Variants in TECPR1 observed in about 807,000 individuals in gnomAD.
TECPR1 encodes tectonin beta-propeller repeat-containing protein 1.
In TECPR1, 122 loss-of-function variants were observed where a neutral mutation model predicts 162.4. The observed-to-expected ratio is 0.75, with a 90% CI of 0.65 to 0.87. TECPR1 has a LOEUF of 0.87. TECPR1 is among the 40% of genes least tolerant of loss of function. The pLI is 0.00. For missense variants in TECPR1, 1,432 were observed against 1,618.2 expected (o/e 0.88, Z 1.97); for synonymous variants, 642 against 670.6 (o/e 0.96, Z 0.66).
rs769876490 is a variant in TECPR1 at position 98,224,995 on chromosome 7, C to T, written c.2610+11G>A. On this transcript the variant is annotated intron_variant, in intron 18 of 25. Coordinates refer to ENST00000447648, the MANE Select transcript of TECPR1 (RefSeq NM_015395.3). Reference sequence around the variant, plus strand: ...GGATTCCCAACCCCCCAGGGGGCAGCGGGACCTCACCCAGGCCCACTGCAG... The same window carrying T: ...GGATTCCCAACCCCCCAGGGGGCAGTGGGACCTCACCCAGGCCCACTGCAG... The T allele has an allele frequency of 1.9e-5, 30 of 1,543,392 alleles. No homozygotes were observed. The highest frequency in any genetic ancestry group is 1.7e-4 in the Middle Eastern group (1 of 5,892).
intron 3 of TECPR1, 167 bp from the exon 4 acceptor site, chr7:98,245,234 C>T: frequency 1.4e-6 from 1 of 691,544 alleles, no homozygotes; most frequent in Non-Finnish European, 2.4e-6. Flanking sequence ...CAACTGGGGA[C>T]CCCCATGCCA....
chr7:98,245,183 T>C, intron 3 of TECPR1, 116 bp from the exon 4 acceptor site: 9 of 1,168,034 alleles, frequency 7.7e-6, no homozygotes, highest in Non-Finnish European at 1.1e-5. Context: ...CTCATTGATC[T>C]CCAGAATAGG....
At chr7:98,235,926 G>A (rs1290894901) in intron 10 of TECPR1, among the ~76,000 whole-genome samples, 1 of 151,560 alleles carries the variant, frequency 6.6e-6, no homozygotes, top group Admixed American at 6.6e-5. Context: ...CTGGGCCTCT[G>A]GGCTGACAGC....
chr7:98,220,852 G>A (rs1292658370), intron 23 of TECPR1, among the ~76,000 whole-genome samples: 1 of 151,566 alleles, frequency 6.6e-6, no homozygotes, highest in Non-Finnish European at 1.5e-5. Flanking sequence ...CACCGCGCTT[G>A]GCCTAATTTT....
In TECPR1 at chr7:98,228,954, C is replaced by T. The variant is rs1020819341; in HGVS notation, c.2410+85G>A. Reference sequence around the variant, plus strand: ...CCGAGTGTGAACACTGGGACAATGGCCCTGGCCTTGGGCAGGGAACCCAGA... The same window carrying T: ...CCGAGTGTGAACACTGGGACAATGGTCCTGGCCTTGGGCAGGGAACCCAGA... On this transcript the variant is annotated intron_variant, in intron 16 of 25. Transcript: ENST00000447648. 26 of 1,503,570 alleles carry T rather than the reference C, an allele frequency of 1.7e-5. No homozygotes were observed. The South Asian group carries it at 2.5e-4, about 14-fold the overall frequency. The allele number at this position is 1,503,570 out of a possible 1,614,324, so 93.1% of individuals were successfully genotyped here.
rs975830070 is a variant in TECPR1, at chr7:98,233,346, C to T, written c.1672+75G>A. The T allele has an allele frequency of 3.2e-5, 44 of 1,387,828 alleles. No homozygotes were observed. The African/African-American group carries it at 3.5e-4, about 11-fold the overall frequency. 86.0% of individuals were successfully genotyped at this position (1,387,828 alleles called of 1,614,324 possible). ...CAGGCCTGCCCGAGCCCCCTGACCC[C>T]GGCCTCCTCCCACACCCCACACCCC... On this transcript the variant is annotated intron_variant, in intron 11 of 25. Coordinates refer to ENST00000447648, the MANE Select transcript of TECPR1 (RefSeq NM_015395.3).
At position 98,216,191 on chromosome 7, in the gene TECPR1, TGGCCG is replaced by T. The variant is rs921861371; in HGVS notation, c.*1194_*1198del. 6.6e-5 allele frequency: 10 copies of T among 152,446 alleles called. No homozygotes were observed. Among genetic ancestry groups the T allele is most frequent in the East Asian group, 1.9e-4 (1 of 5,182 alleles). The allele number at this position is 152,446 out of a possible 1,614,324, so 9.4% of individuals were successfully genotyped here. On this transcript the variant is annotated 3_prime_UTR_variant, in exon 26 of 26. Coordinates refer to ENST00000447648, the MANE Select transcript of TECPR1 (RefSeq NM_015395.3). ...CTTGGCCGACACCTTCTGCCTCGCC[TGGCCG>T]GGCCGGGCCAGCCTCTCGCCACAGG... is the stretch of plus-strand genomic sequence containing the variant.
In TECPR1 at chr7:98,222,481, G is replaced by T; in HGVS notation, c.2969C>A (p.Ala990Asp). 6.3e-7 allele frequency: 1 copy of T among 1,593,878 alleles called. No individual in the cohort carries two copies. Among genetic ancestry groups the T allele is most frequent in the Non-Finnish European group, 8.5e-7 (1 of 1,171,426 alleles). ...WLHVGTDQPF[A>D]SISIGACYQV... ...GTAGCAGGCCCCGATGGAGATGGAG[G>T]CGAAGGGCTGGTCGGTGCCAACGTG... is the stretch of plus-strand genomic sequence containing the variant. Residue 990 changes from alanine (A) to aspartate (D), a missense_variant, in exon 22 of 26, where the codon GCC becomes GAC. By Grantham distance (126) the Ala-to-Asp change is moderately radical. Transcript: ENST00000447648.
chr7:98,215,152 T>A lies in TECPR1; in HGVS notation c.*2238A>T, dbSNP rs1330205331. 6.6e-6 allele frequency: 1 copy of A among 152,260 alleles called. No homozygotes were observed. Among genetic ancestry groups the A allele is most frequent in the African/African-American group, 2.4e-5 (1 of 41,460 alleles). The allele number at this position is 152,260 out of a possible 1,614,324, so 9.4% of individuals were successfully genotyped here. ...ACCCACCCACATGCCGTTCCTGGGC[T>A]ACGCCACGCGCCATCCCCCGGGGCT... is the stretch of plus-strand genomic sequence containing the variant. On this transcript the variant is annotated 3_prime_UTR_variant, in exon 26 of 26. Coordinates refer to ENST00000447648, the MANE Select transcript of TECPR1 (RefSeq NM_015395.3).
Position 98,229,123 on chromosome 7 carries a change from T to C in TECPR1, c.2326A>G (p.Asn776Asp). 1.3e-6 allele frequency: 2 copies of C among 1,569,076 alleles called. No individual in the cohort carries two copies. Among genetic ancestry groups the C allele is most frequent in the Non-Finnish European group, 1.7e-6 (2 of 1,157,874 alleles). ...MGGHLRMVEA[N>D]SRGVVWGIGY... ...ATGCCCCACACCACGCCCCGGCTGT[T>C]GGCCTCCACCATCCGCAGGTGGCCT... The change falls in exon 16 of 26, where the codon AAC becomes GAC. Residue 776 changes from asparagine to aspartate, a missense_variant. Transcript: ENST00000447648.
intron 17 of TECPR1, among the ~76,000 whole-genome samples, chr7:98,227,047 T>C (rs1798294499): frequency 6.6e-6 from 1 of 152,144 alleles, no homozygotes; most frequent in African/African-American, 2.4e-5. Context: ...CCACTTATAA[T>C]ACTGTCCAAA....
chr7:98,243,756 C>T (rs368782853), intron 5 of TECPR1, among the ~76,000 whole-genome samples, 164 bp from the exon 6 acceptor site: 16 of 152,244 alleles, frequency 1.1e-4, no homozygotes, highest in East Asian at 3.9e-4. Context: ...GGCCCCTGCC[C>T]GGCTAATTTT....
chr7:98,223,526 C>G, intron 20 of TECPR1, 136 bp downstream of exon 20: 1 of 874,500 alleles, frequency 1.1e-6, no homozygotes, highest in East Asian at 2.5e-5. Flanking sequence ...CTTCACCCTA[C>G]TCCCCACTGC....
In TECPR1 at chr7:98,215,034, C is replaced by T. The variant is rs899602532; in HGVS notation, c.*2356G>A. On this transcript the variant is annotated 3_prime_UTR_variant, in exon 26 of 26. Transcript: ENST00000447648. The stretch of plus-strand genomic sequence containing the variant: ...ACTCCCTTGGCCCTCCTCTTGGACC[C>T]CAAGGCCAGGCCGGATCCTTTTATC... 2.0e-5 allele frequency: 3 copies of T among 152,358 alleles called. No individual in the cohort carries two copies. The highest frequency in any genetic ancestry group is 7.2e-5 in the African/African-American group (3 of 41,476). 9.4% of individuals were successfully genotyped at this position (152,358 alleles called of 1,614,324 possible). A position where few individuals can be genotyped will look rare whatever the true frequency, so the allele number is the denominator to read the frequency against.
At chr7:98,222,229 G>C (rs540826607) in intron 22 of TECPR1, among the ~76,000 whole-genome samples, 157 bp downstream of exon 22, 7 of 152,294 alleles carry the variant, frequency 4.6e-5, no homozygotes, top group African/African-American at 1.7e-4. Flanking sequence ...CCCATTACCA[G>C]GGTGACCACC....
chr7:98,220,882 G>A (rs1215195842), intron 23 of TECPR1, among the ~76,000 whole-genome samples: 2 of 150,644 alleles, frequency 1.3e-5, no homozygotes, highest in Non-Finnish European at 3.0e-5. Context: ...AGTAGAGATG[G>A]GTTTCACTAA....
intron 3 of TECPR1, 142 bp downstream of exon 3, chr7:98,245,780 C>T: frequency 1.2e-6 from 1 of 806,306 alleles, no homozygotes; most frequent in Non-Finnish European, 1.9e-6. Context: ...GGCAGCAACA[C>T]AGATTTTAAG....
In TECPR1 at chr7:98,245,914, G is replaced by T; in HGVS notation, c.225+8C>A. Reference sequence around the variant, plus strand: ...CCGCTCGGCAACTCCAACCATGAGGGTCACTACCTGATTCTCATAGGCCTC... The same window carrying T: ...CCGCTCGGCAACTCCAACCATGAGGTTCACTACCTGATTCTCATAGGCCTC... On this transcript the variant is annotated splice_region_variant and intron_variant, in intron 3 of 25. Coordinates refer to ENST00000447648, the MANE Select transcript of TECPR1 (RefSeq NM_015395.3). 6.3e-7 allele frequency: 1 copy of T among 1,588,326 alleles called. No homozygotes were observed. Among genetic ancestry groups the T allele is most frequent in the Middle Eastern group, 1.7e-4 (1 of 6,038 alleles).
chr7:98,221,835 C>T (rs1194447685), intron 22 of TECPR1, 82 bp from the exon 23 acceptor site: 1 of 1,118,662 alleles, frequency 8.9e-7, no homozygotes, highest in African/African-American at 1.6e-5. Flanking sequence ...CGGTCCCCAG[C>T]TGCCTCTCGG....
Sources: gnomAD v4.1 joint callset for allele counts (sites outside exome capture counted in the v4.1 genomes callset) on GRCh38, gnomAD v4.1.1 for gene constraint, MANE v1.5 for transcripts, NCBI Gene and HGNC (gene_info 2026-07-23, HGNC 2026-07-21) for gene names.